ATE1: variants seen among roughly 807,000 people sequenced by gnomAD.
The protein encoded by ATE1 is arginyltransferase 1.
In ATE1, 36 loss-of-function variants were observed where a neutral mutation model predicts 70.5. The observed-to-expected ratio is 0.51, with a 90% CI of 0.39 to 0.67. The LOEUF (loss-of-function observed/expected upper bound fraction) is 0.67. Ranked by LOEUF, ATE1 falls within the 30% of genes least tolerant of loss-of-function variation. ATE1 has a pLI of 0.00. For missense variants in ATE1, 593 were observed against 629.5 expected (o/e 0.94, Z 0.62); for synonymous variants, 232 against 219.3 (o/e 1.06, Z -0.51).
chr10:121,783,109 A>C (rs1391156632), intron 11 of ATE1, among the ~76,000 whole-genome samples: 4 of 152,174 alleles, frequency 2.6e-5, no homozygotes, highest in Admixed American at 6.5e-5. Flanking sequence ...CTCTCAGCTC[A>C]TACCTATGTT....
chr10:121,898,756 T>A, intron 7 of ATE1: 1 of 1,500,688 alleles, frequency 6.7e-7, no homozygotes, highest in South Asian at 1.3e-5. Context: ...GAAAGGGTCA[T>A]CAGCTCCACC....
At chr10:121,842,873 T>C (rs1194372901) in intron 8 of ATE1, among the ~76,000 whole-genome samples, 1 of 152,048 alleles carries the variant, frequency 6.6e-6, no homozygotes, top group African/African-American at 2.4e-5. Context: ...AAATAATATA[T>C]ATGCAAAAAC....
chr10:121,808,627 T>C (rs753108178), intron 10 of ATE1, among the ~76,000 whole-genome samples: 8 of 152,220 alleles, frequency 5.3e-5, no homozygotes, highest in Non-Finnish European at 7.3e-5. Context: ...TCTTCAACTA[T>C]AAATATTATA....
At chr10:121,859,834 C>T (rs531805708) in intron 8 of ATE1, among the ~76,000 whole-genome samples, 279 of 152,116 alleles carry the variant, frequency 1.8e-3, no homozygotes, top group African/African-American at 6.5e-3. Context: ...CCCAGCTATT[C>T]GGAAGGCTGA....
chr10:121,813,442 T>C (rs1947407022), intron 10 of ATE1, among the ~76,000 whole-genome samples: 1 of 152,194 alleles, frequency 6.6e-6, no homozygotes, highest in Non-Finnish European at 1.5e-5. Flanking sequence ...GCACAGCTGT[T>C]ACCCTCCCTA....
chr10:121,922,240 G>A, intron 3 of ATE1, 109 bp downstream of exon 3: 1 of 723,660 alleles, frequency 1.4e-6, no homozygotes, highest in African/African-American at 1.8e-5. Flanking sequence ...CCTTTTAAAG[G>A]ACATCTACCT....
At chr10:121,906,346 G>A (rs1191443792) in intron 5 of ATE1, among the ~76,000 whole-genome samples, 2 of 151,930 alleles carry the variant, frequency 1.3e-5, no homozygotes, top group African/African-American at 2.4e-5. Context: ...TGTACAACAC[G>A]GCAAAACCCC....
At chr10:121,869,052 G>A (rs1008314163) in intron 8 of ATE1, among the ~76,000 whole-genome samples, 1 of 152,238 alleles carries the variant, frequency 6.6e-6, no homozygotes, top group South Asian at 2.1e-4. Flanking sequence ...AAGGACAAGT[G>A]CAAGGCAAGG....
chr10:121,835,606 T>C (rs1948404028), intron 10 of ATE1, among the ~76,000 whole-genome samples: 1 of 151,780 alleles, frequency 6.6e-6, no homozygotes, highest in African/African-American at 2.4e-5. Context: ...TATGAGACAA[T>C]AAAGGAAACA....
chr10:121,863,860 T>G (rs1262962446), intron 8 of ATE1, among the ~76,000 whole-genome samples: 1 of 152,216 alleles, frequency 6.6e-6, no homozygotes, highest in East Asian at 1.9e-4. Context: ...CTGATCCTCC[T>G]GCCTCAGCCT....
intron 7 of ATE1, among the ~76,000 whole-genome samples, chr10:121,887,544 A>T (rs998732594): frequency 3.3e-4 from 50 of 152,124 alleles, no homozygotes; most frequent in Middle Eastern, 3.4e-3. Flanking sequence ...CCCTACAAAA[A>T]AAAATTTAAA....
chr10:121,787,812 T>C (rs934006798), intron 11 of ATE1, among the ~76,000 whole-genome samples: 1 of 152,222 alleles, frequency 6.6e-6, no homozygotes, highest in African/African-American at 2.4e-5. Flanking sequence ...TAAAATCTAT[T>C]AACATGAATG....
At chr10:121,810,223 T>C (rs1207496855) in intron 10 of ATE1, among the ~76,000 whole-genome samples, 1 of 152,238 alleles carries the variant, frequency 6.6e-6, no homozygotes, top group Non-Finnish European at 1.5e-5. Context: ...AAAAATCCTA[T>C]TCAAAGTTCT....
At chr10:121,919,230 C>T (rs935516127) in intron 3 of ATE1, among the ~76,000 whole-genome samples, 3 of 152,100 alleles carry the variant, frequency 2.0e-5, no homozygotes, top group Non-Finnish European at 4.4e-5. Context: ...CTGTAACACT[C>T]ACTGCGAAGG....
chr10:121,821,741 C>T (rs778278693), intron 10 of ATE1, among the ~76,000 whole-genome samples: 15 of 152,120 alleles, frequency 9.9e-5, no homozygotes, highest in Non-Finnish European at 1.8e-4. Context: ...ATTAGCTGGG[C>T]GTGGTGGTGC....
chr10:121,823,054 G>A lies in ATE1; in HGVS notation c.1257+13664C>T, dbSNP rs986074906. On this transcript the variant is annotated intron_variant, in intron 10 of 11. Transcript: ENST00000224652. ...GCTTGTAATCCCAGCACTTTGGGAG[G>A]CCAAGGTGGGTGGATCACAAGGTCA... Among the ~76,000 whole-genome samples the A allele has an allele frequency of 1.3e-4, 20 of 152,268 alleles. No homozygotes were observed. The East Asian group carries it at 3.7e-3, about 28-fold the overall frequency.
At chr10:121,804,722 C>CTT (rs148382329) in intron 10 of ATE1, among the ~76,000 whole-genome samples, 9 of 134,006 alleles carry the variant, frequency 6.7e-5, no homozygotes, top group South Asian at 2.4e-4. Flanking sequence ...ATTCTAGCAA[C>CTT]TTTTTTTTTT....
intron 11 of ATE1, among the ~76,000 whole-genome samples, chr10:121,752,198 A>G (rs1436718368): frequency 7.3e-6 from 1 of 136,514 alleles, no homozygotes; most frequent in East Asian, 2.1e-4. Context: ...CTCTGTCTCA[A>G]AAAAAAAAAG....
intron 8 of ATE1, among the ~76,000 whole-genome samples, chr10:121,845,128 G>T (rs975481647): frequency 2.6e-5 from 4 of 152,128 alleles, no homozygotes; most frequent in African/African-American, 9.7e-5. Flanking sequence ...TTGTGCAAGT[G>T]ACTTTATCAT....
Sources: gnomAD v4.1 joint callset for allele counts (sites outside exome capture counted in the v4.1 genomes callset) on GRCh38, gnomAD v4.1.1 for gene constraint, MANE v1.5 for transcripts, NCBI Gene and HGNC (gene_info 2026-07-23, HGNC 2026-07-21) for gene names.